The following PPP4R2 variants were observed in gnomAD, a reference collection of about 807,000 sequenced individuals.
The protein encoded by PPP4R2 is serine/threonine-protein phosphatase 4 regulatory subunit 2.
PPP4R2 carries 13 observed loss-of-function variants against 47.2 expected under a neutral mutation model. That is an observed-to-expected ratio of 0.28 (90% CI 0.18 to 0.44). PPP4R2 has a LOEUF of 0.44. PPP4R2 is among the 20% of genes least tolerant of loss of function. PPP4R2 has a pLI of 1.00. For synonymous variants in PPP4R2, 151 were observed against 163.3 expected, an observed-to-expected ratio of 0.92 and a Z score of 0.57; for missense variants, 421 against 491.2, an observed-to-expected ratio of 0.86 and a Z score of 1.35.
At chr3:73,028,331 C>G (rs915645055) in intron 2 of PPP4R2, among the ~76,000 whole-genome samples, 19 of 151,310 alleles carry the variant, frequency 1.3e-4, no homozygotes, top group Non-Finnish European at 2.5e-4. Context: ...AGCCACCATG[C>G]CTGGCCCAGG....
intron 5 of PPP4R2, 172 bp downstream of exon 5, chr3:73,061,232 T>C (rs1702851863): frequency 3.0e-6 from 1 of 330,286 alleles, no homozygotes; most frequent in African/African-American, 2.1e-5. Context: ...CTAATAACAT[T>C]ATCTATATGT....
intron 3 of PPP4R2, among the ~76,000 whole-genome samples, chr3:73,058,803 C>G (rs558859759): frequency 1.3e-5 from 2 of 149,980 alleles, no homozygotes; most frequent in South Asian, 2.1e-4. Flanking sequence ...CCTCCCCCCC[C>G]ACCTTTATTG....
intron 2 of PPP4R2, among the ~76,000 whole-genome samples, chr3:73,042,429 A>G (rs1034672985): frequency 3.6e-5 from 5 of 140,680 alleles, no homozygotes; most frequent in East Asian, 2.1e-4. Flanking sequence ...CGGTGCTGCA[A>G]TCTTGGCTCA....
At chr3:73,063,223 C>T (rs1702908114) in intron 5 of PPP4R2, 1 of 353,434 alleles carries the variant, frequency 2.8e-6, no homozygotes, top group Non-Finnish European at 5.4e-6. Context: ...ACTCCCTTTG[C>T]TTCAAATGGC....
At chr3:73,052,608 A>C (rs1702640852) in intron 3 of PPP4R2, among the ~76,000 whole-genome samples, 1 of 152,126 alleles carries the variant, frequency 6.6e-6, no homozygotes, top group South Asian at 2.1e-4. Context: ...AGAGCATGTA[A>C]GTTACATTCC....
At chr3:73,050,859 A>C (rs1702596924) in intron 3 of PPP4R2, among the ~76,000 whole-genome samples, 1 of 152,104 alleles carries the variant, frequency 6.6e-6, no homozygotes, top group Non-Finnish European at 1.5e-5. Context: ...GCATCCTTCC[A>C]CGTATCTTTT....
rs1000251805 is a variant in PPP4R2 at position 72,996,914 on chromosome 3, C to A, written c.-124C>A. 2.5e-5 allele frequency: 15 copies of A among 602,508 alleles called. No homozygotes were observed. Among genetic ancestry groups the A allele is most frequent in the African/African-American group, 3.8e-5 (2 of 51,980 alleles). 37.3% of individuals were successfully genotyped at this position (602,508 alleles called of 1,614,324 possible). On this transcript the variant is annotated 5_prime_UTR_variant, in exon 1 of 9. Coordinates refer to ENST00000356692, the MANE Select transcript of PPP4R2 (RefSeq NM_174907.4). ...CCCGGCTCCCTTCGTTTCCCCCCCC[C>A]GGTCGCCTGCGTGCCGGAGTGTGTG...
At chr3:73,008,948 A>G (rs1180362520) in intron 2 of PPP4R2, among the ~76,000 whole-genome samples, 1 of 152,230 alleles carries the variant, frequency 6.6e-6, no homozygotes, top group East Asian at 1.9e-4. Flanking sequence ...GTGTAAATAT[A>G]GGTAATAAAG....
chr3:73,064,083 G>C lies in PPP4R2; in HGVS notation c.575G>C (p.Gly192Ala). 1 of 1,613,620 alleles carries C rather than the reference G, an allele frequency of 6.2e-7. No individual in the cohort carries two copies. Among genetic ancestry groups the C allele is most frequent in the South Asian group, 1.1e-5 (1 of 91,042 alleles). Residue 192 changes from glycine to alanine, a missense_variant, in exon 7 of 9, where the codon GGG becomes GCG. Transcript: ENST00000356692. ...VSLSAPMTTN[G>A]LPESTDSKEA... ...TTGTCAGCCCCCATGACAACAAATG[G>C]GTTGCCTGAGAGCACAGACAGCAAA...
intron 2 of PPP4R2, among the ~76,000 whole-genome samples, chr3:73,013,326 AT>A (rs1470722842): frequency 2.0e-5 from 3 of 152,206 alleles, no homozygotes; most frequent in Non-Finnish European, 2.9e-5. Context: ...TTACATCTTC[AT>A]TTTGGTTAAG....
intron 2 of PPP4R2, among the ~76,000 whole-genome samples, chr3:73,042,627 T>C (rs1702402518): frequency 6.6e-6 from 1 of 152,096 alleles, no homozygotes; most frequent in Non-Finnish European, 1.5e-5. Context: ...CCTCCCAAAG[T>C]GCTGGGATTA....
intron 2 of PPP4R2, among the ~76,000 whole-genome samples, chr3:73,013,176 G>T (rs1216123031): frequency 6.6e-6 from 1 of 151,958 alleles, no homozygotes; most frequent in Non-Finnish European, 1.5e-5. Context: ...TAAAATCAGT[G>T]CCATAGCCAG....
intron 2 of PPP4R2, among the ~76,000 whole-genome samples, chr3:73,043,445 A>G (rs1702421934): frequency 6.6e-6 from 1 of 152,224 alleles, no homozygotes; most frequent in Non-Finnish European, 1.5e-5. Context: ...TTTAAAATAC[A>G]TAATTCACTC....
In PPP4R2 at chr3:73,014,312, G is replaced by A. The variant is rs1000814259; in HGVS notation, c.116+16154G>A. The stretch of plus-strand genomic sequence containing the variant: ...TATTTTTATATTTATTTTTGAGACC[G>A]GGTCTCACTCTGGCCCAGGCTGGAG... On this transcript the variant is annotated intron_variant, in intron 2 of 8. Transcript: ENST00000356692. Among the ~76,000 whole-genome samples, 5 of 80,854 alleles carry A rather than the reference G, an allele frequency of 6.2e-5. 2 individuals carry two copies. The highest frequency in any genetic ancestry group is 7.1e-4 in the South Asian group (2 of 2,836). 53.0% of individuals were successfully genotyped at this position (80,854 alleles called of 152,430 possible). A position where few individuals can be genotyped will look rare whatever the true frequency, so the allele number is the denominator to read the frequency against.
At chr3:73,057,223 A>T (rs182900107) in intron 3 of PPP4R2, among the ~76,000 whole-genome samples, 2 of 152,266 alleles carry the variant, frequency 1.3e-5, no homozygotes, top group East Asian at 3.9e-4. Flanking sequence ...AAAATGCTTA[A>T]ACATTTTTAA....
intron 2 of PPP4R2, among the ~76,000 whole-genome samples, chr3:73,021,952 A>G (rs899379399): frequency 1.0e-4 from 15 of 145,522 alleles, no homozygotes; most frequent in African/African-American, 3.8e-4. Flanking sequence ...GTTGGAGTGC[A>G]GTGGCACAGT....
rs1360560904 is a variant in PPP4R2 at position 73,066,573 on chromosome 3, CTT to C, written c.*852_*853del. 6.6e-6 allele frequency: 1 copy of C among 152,008 alleles called. No homozygotes were observed. Among genetic ancestry groups the C allele is most frequent in the African/African-American group, 2.4e-5 (1 of 41,420 alleles). 9.4% of individuals were successfully genotyped at this position (152,008 alleles called of 1,614,324 possible). On this transcript the variant is annotated 3_prime_UTR_variant, in exon 9 of 9. Coordinates refer to ENST00000356692, the MANE Select transcript of PPP4R2 (RefSeq NM_174907.4). ...CTTGGAAATTGTGTTCAAATGTTAGCTTACTATTTTGTAGAATGAATGTTTAT... is the reference window on the plus strand; with the variant it reads ...CTTGGAAATTGTGTTCAAATGTTAGCACTATTTTGTAGAATGAATGTTTAT...
In PPP4R2 at chr3:73,054,890, A is replaced by G. The variant is rs149626705; in HGVS notation, c.288-4147A>G. Among the ~76,000 whole-genome samples the G allele has an allele frequency of 2.9e-3, 440 of 152,286 alleles. 1 individual carries two copies. The highest frequency in any genetic ancestry group is 9.7e-3 in the African/African-American group (405 of 41,566). ...TTAGTGTTTAGCCTTATGACTTAAA[A>G]TTTATCTTTTAAAAAATAGCATTGA... On this transcript the variant is annotated intron_variant, in intron 3 of 8. Transcript: ENST00000356692.
At chr3:73,016,742 A>T (rs9862650) in intron 2 of PPP4R2, among the ~76,000 whole-genome samples, 44,074 of 90,584 alleles carry the variant, frequency 0.49, 11,883 homozygotes, top group African/African-American at 0.62. Flanking sequence ...TATTTTTATT[A>T]TTTTTTTTTT....
Sources: allele counts gnomAD v4.1 joint callset (sites outside exome capture counted in the v4.1 genomes callset), GRCh38; gene constraint gnomAD v4.1.1; transcripts MANE v1.5; gene names NCBI Gene and HGNC (gene_info 2026-07-23, HGNC 2026-07-21).